Variants in SPATA13 observed in about 807,000 individuals in gnomAD.
The protein encoded by SPATA13 is spermatogenesis associated 13.
Under a neutral mutation model 104.0 loss-of-function variants are expected in SPATA13, and 50 were observed. That is an observed-to-expected ratio of 0.48 (90% CI 0.38 to 0.61). The LOEUF (loss-of-function observed/expected upper bound fraction) is 0.61, where lower values mean the gene tolerates loss of function less well. SPATA13 is among the 20% of genes least tolerant of loss of function. The pLI is 0.00. For missense variants in SPATA13, 1,524 were observed against 1,690.6 expected, an observed-to-expected ratio of 0.90 and a Z score of 1.73; for synonymous variants, 606 against 667.5, an observed-to-expected ratio of 0.91 and a Z score of 1.42.
chr13:24,292,010 C>A (rs1876425006), intron 9 of SPATA13, among the ~76,000 whole-genome samples: 2 of 152,052 alleles, frequency 1.3e-5, no homozygotes, highest in Admixed American at 1.3e-4. Context: ...CCCGCCTCGG[C>A]CTCCCAAAGT....
At chr13:24,235,125 T>C (rs1872505950) in intron 2 of SPATA13, among the ~76,000 whole-genome samples, 1 of 152,214 alleles carries the variant, frequency 6.6e-6, no homozygotes, top group Non-Finnish European at 1.5e-5. Context: ...AACATTTCAG[T>C]ACAGACCAGT....
intron 3 of SPATA13, among the ~76,000 whole-genome samples, chr13:24,053,136 T>C (rs1167439733): frequency 6.6e-6 from 1 of 152,116 alleles, no homozygotes; most frequent in Non-Finnish European, 1.5e-5. Flanking sequence ...ATTCTTGTTT[T>C]AGATATAAAG....
At chr13:24,013,808 G>A (rs1876585368) in intron 2 of SPATA13, among the ~76,000 whole-genome samples, 1 of 151,638 alleles carries the variant, frequency 6.6e-6, no homozygotes, top group Non-Finnish European at 1.5e-5. Context: ...AACCTCGAAG[G>A]CTTGGGTGCT....
At chr13:24,149,455 C>G (rs1360525925) in intron 3 of SPATA13, among the ~76,000 whole-genome samples, 1 of 152,184 alleles carries the variant, frequency 6.6e-6, no homozygotes, top group African/African-American at 2.4e-5. Flanking sequence ...TGGACCTTCC[C>G]TTTCTGTTGG....
At chr13:24,241,773 C>T (rs1348205421) in intron 2 of SPATA13, among the ~76,000 whole-genome samples, 2 of 152,218 alleles carry the variant, frequency 1.3e-5, no homozygotes, top group Non-Finnish European at 2.9e-5. Context: ...TCCACCAGGC[C>T]AGGCATGGCA....
At chr13:24,133,932 G>A (rs563007894) in intron 3 of SPATA13, among the ~76,000 whole-genome samples, 2 of 152,338 alleles carry the variant, frequency 1.3e-5, no homozygotes, top group East Asian at 1.9e-4. Flanking sequence ...TGGGGGTTTC[G>A]TGAGCAACGC....
intron 3 of SPATA13, among the ~76,000 whole-genome samples, chr13:24,148,918 T>C (rs1593360888): frequency 7.5e-6 from 1 of 134,216 alleles, no homozygotes; most frequent in Non-Finnish European, 1.5e-5. Flanking sequence ...CCATGAGTGT[T>C]TGTTTATACC....
At chr13:24,121,413 A>G (rs1473107991) in intron 3 of SPATA13, among the ~76,000 whole-genome samples, 1 of 152,188 alleles carries the variant, frequency 6.6e-6, no homozygotes, top group Non-Finnish European at 1.5e-5. Flanking sequence ...ACATTTTGCT[A>G]TTTTATACAT....
intron 3 of SPATA13, among the ~76,000 whole-genome samples, chr13:24,069,086 G>C (rs1879069511): frequency 6.6e-6 from 1 of 152,058 alleles, no homozygotes. Context: ...TTTTGCTTAG[G>C]ATTGCCTTGG....
At chr13:23,991,969 T>C (rs1485153166) in intron 2 of SPATA13, among the ~76,000 whole-genome samples, 2 of 152,228 alleles carry the variant, frequency 1.3e-5, no homozygotes, top group Non-Finnish European at 2.9e-5. Context: ...CATGGGGTTA[T>C]TGTAATGATT....
intron 3 of SPATA13, among the ~76,000 whole-genome samples, chr13:24,077,739 T>A (rs1408737519): frequency 6.6e-6 from 1 of 152,130 alleles, no homozygotes; most frequent in Non-Finnish European, 1.5e-5. Context: ...CCGTGTATAA[T>A]CCATACTTCT....
At chr13:24,263,781 C>A (rs934858996) in intron 4 of SPATA13, among the ~76,000 whole-genome samples, 40 of 152,234 alleles carry the variant, frequency 2.6e-4, no homozygotes, top group African/African-American at 9.4e-4. Context: ...GGAGGACCAA[C>A]TGTGTTTACT....
At chr13:24,179,178 T>C (rs1418846002) in intron 1 of SPATA13, among the ~76,000 whole-genome samples, 1 of 152,264 alleles carries the variant, frequency 6.6e-6, no homozygotes, top group East Asian at 1.9e-4. Flanking sequence ...CATTCATCAG[T>C]TGATGGACAT....
At chr13:24,097,759 G>A (rs1001651764) in intron 3 of SPATA13, among the ~76,000 whole-genome samples, 2 of 152,212 alleles carry the variant, frequency 1.3e-5, no homozygotes, top group Admixed American at 1.3e-4. Flanking sequence ...CCCCAACATA[G>A]CCAAAGGTAT....
chr13:24,128,917 A>C (rs960420346), intron 3 of SPATA13, among the ~76,000 whole-genome samples: 10 of 152,076 alleles, frequency 6.6e-5, no homozygotes, highest in African/African-American at 2.4e-4. Context: ...TTTTTTTCTC[A>C]CCCAAGATCA....
At chr13:24,206,780 T>C (rs1870720671) in intron 1 of SPATA13, among the ~76,000 whole-genome samples, 1 of 151,926 alleles carries the variant, frequency 6.6e-6, no homozygotes. Flanking sequence ...TAATCCCAGC[T>C]ACTCAGGAGG....
At position 24,098,409 on chromosome 13, in the gene SPATA13, G is replaced by A. The variant is rs542231063; in HGVS notation, c.-112+80708G>A. ...TTAAAAAAATAATTAAGACTTAAAC[G>A]TGGCAAAACCCTGTCTCCACAAAAA... On this transcript the variant is annotated intron_variant, in intron 3 of 14. Coordinates refer to the SPATA13 transcript ENST00000424834. Among the ~76,000 whole-genome samples the A allele has an allele frequency of 7.9e-5, 12 of 151,778 alleles. No homozygotes were observed. In the East Asian group the frequency reaches 1.6e-3, roughly 20 times the overall value.
intron 3 of SPATA13, among the ~76,000 whole-genome samples, chr13:24,116,626 A>G (rs1215608225): frequency 6.6e-6 from 1 of 152,160 alleles, no homozygotes; most frequent in East Asian, 1.9e-4. Context: ...TCAGAGGGTA[A>G]TGTGCTTGCC....
intron 3 of SPATA13, among the ~76,000 whole-genome samples, chr13:24,150,192 G>A (rs965977229): frequency 5.9e-5 from 9 of 152,092 alleles, no homozygotes; most frequent in African/African-American, 9.7e-5. Context: ...TACAGTGCCC[G>A]TCTCCCGTGC....
Sources: gnomAD v4.1 joint callset for allele counts (sites outside exome capture counted in the v4.1 genomes callset) on GRCh38, gnomAD v4.1.1 for gene constraint, MANE v1.5 for transcripts, NCBI Gene and HGNC (gene_info 2026-07-23, HGNC 2026-07-21) for gene names.